Variants in POPDC1 observed in about 807,000 individuals in gnomAD.
The protein encoded by POPDC1 is popeye domain-containing protein 1.
chr6:105,125,361 T>A, the POPDC1 span: 1 of 1,609,176 alleles, frequency 6.2e-7, no homozygotes, highest in Non-Finnish European at 8.5e-7. Context: ...AAAGGTAAAC[T>A]AGGAATTTTG....
chr6:105,127,121 T>C, the POPDC1 span, among the ~76,000 whole-genome samples: 4 of 152,212 alleles, frequency 2.6e-5, no homozygotes, highest in Non-Finnish European at 4.4e-5. Flanking sequence ...ACCCAGATCA[T>C]GACAGCTGCT....
At chr6:105,127,782 C>T in the POPDC1 span, among the ~76,000 whole-genome samples, 1 of 150,534 alleles carries the variant, frequency 6.6e-6, no homozygotes, top group Non-Finnish European at 1.5e-5. Flanking sequence ...TTTTTTGAGA[C>T]AAAAGTGTTG....
the POPDC1 span, among the ~76,000 whole-genome samples, chr6:105,108,498 A>C: frequency 6.6e-6 from 1 of 152,252 alleles, no homozygotes; most frequent in East Asian, 1.9e-4. Flanking sequence ...TGAAGAAAAA[A>C]TGAAATGGGT....
chr6:105,125,317 C>T, the POPDC1 span: 1 of 1,505,286 alleles, frequency 6.6e-7, no homozygotes, highest in Non-Finnish European at 9.1e-7. Context: ...CATTTCCTCC[C>T]ATTCACTTCC....
chr6:105,135,144 T>A, the POPDC1 span, among the ~76,000 whole-genome samples: 1 of 152,216 alleles, frequency 6.6e-6, no homozygotes, highest in African/African-American at 2.4e-5. Flanking sequence ...GTCCTGTTTG[T>A]CCTCTAGGAG....
chr6:105,123,409 GT>G, the POPDC1 span, among the ~76,000 whole-genome samples: 1 of 150,848 alleles, frequency 6.6e-6, no homozygotes, highest in Non-Finnish European at 1.5e-5. Context: ...GTTGTTGTTT[GT>G]TTTTTTTTGA....
the POPDC1 span, among the ~76,000 whole-genome samples, chr6:105,109,103 G>C: frequency 2.0e-5 from 3 of 152,202 alleles, no homozygotes; most frequent in South Asian, 4.2e-4. Context: ...ACAGGCACAG[G>C]CAGGCCATCA....
the POPDC1 span, among the ~76,000 whole-genome samples, chr6:105,110,322 G>A: frequency 6.6e-6 from 1 of 152,190 alleles, no homozygotes; most frequent in Non-Finnish European, 1.5e-5. Context: ...TGAGGGTATT[G>A]CTTTCTCTAG....
At chr6:105,124,241 G>C in the POPDC1 span, among the ~76,000 whole-genome samples, 1 of 152,002 alleles carries the variant, frequency 6.6e-6, no homozygotes, top group Non-Finnish European at 1.5e-5. Context: ...AATTAGCCGG[G>C]GGTGGTGGCA....
chr6:105,124,561 C>T, the POPDC1 span: 1 of 1,604,884 alleles, frequency 6.2e-7, no homozygotes, highest in Non-Finnish European at 8.5e-7. Context: ...AATTTTTCAC[C>T]TTTGTGCATC....
the POPDC1 span, among the ~76,000 whole-genome samples, chr6:105,114,556 T>C: frequency 6.6e-6 from 1 of 152,228 alleles, no homozygotes; most frequent in African/African-American, 2.4e-5. Context: ...TGGTTTAAAA[T>C]ACAATTGGAA....
chr6:105,103,537 A>G, the POPDC1 span, among the ~76,000 whole-genome samples: 1 of 152,224 alleles, frequency 6.6e-6, no homozygotes, highest in Admixed American at 6.5e-5. Flanking sequence ...GGTCTCATAA[A>G]TATTAACTTA....
chr6:105,130,329 C>T, the POPDC1 span, among the ~76,000 whole-genome samples: 87 of 152,032 alleles, frequency 5.7e-4, 4 homozygotes, highest in South Asian at 0.016. Flanking sequence ...CCCCTACTGC[C>T]GGAAACACAA....
the POPDC1 span, chr6:105,125,335 A>C: frequency 6.4e-7 from 1 of 1,568,142 alleles, no homozygotes; most frequent in South Asian, 1.1e-5. Flanking sequence ...TCCTTCCCAG[A>C]GGCCATGAAA....
chr6:105,115,741 G>A, the POPDC1 span: 1 of 1,614,206 alleles, frequency 6.2e-7, no homozygotes, highest in Non-Finnish European at 8.5e-7. Flanking sequence ...CGTCGTCACT[G>A]TCACTGGAGC....
At chr6:105,104,231 C>T in the POPDC1 span, among the ~76,000 whole-genome samples, 1 of 152,128 alleles carries the variant, frequency 6.6e-6, no homozygotes, top group African/African-American at 2.4e-5. Flanking sequence ...AACTCCACCT[C>T]CTTCATGTGT....
the POPDC1 span, among the ~76,000 whole-genome samples, chr6:105,103,267 G>A: frequency 1.3e-5 from 2 of 152,190 alleles, no homozygotes; most frequent in Non-Finnish European, 2.9e-5. Flanking sequence ...TGCCTGGGAT[G>A]TAATAACCAC....
the POPDC1 span, chr6:105,100,622 T>C: frequency 6.8e-6 from 1 of 147,108 alleles, no homozygotes; most frequent in Non-Finnish European, 1.5e-5. Flanking sequence ...ATATATGGAA[T>C]AAAGTTTGAG....
chr6:105,097,093 G>C, the POPDC1 span: 1 of 152,122 alleles, frequency 6.6e-6, no homozygotes, highest in Non-Finnish European at 1.5e-5. Flanking sequence ...CCTACAGTGT[G>C]TCACTATAGA....
Sources: gnomAD v4.1 joint callset for allele counts (sites outside exome capture counted in the v4.1 genomes callset) on GRCh38, gnomAD v4.1.1 for gene constraint, MANE v1.5 for transcripts, NCBI Gene and HGNC (gene_info 2026-07-23, HGNC 2026-07-21) for gene names.